The following NCKAP5 variants were observed in gnomAD, a reference collection of about 807,000 sequenced individuals.
NCKAP5 encodes NCK associated protein 5.
NCKAP5 carries 92 observed loss-of-function variants against 167.0 expected under a neutral mutation model. The observed-to-expected ratio is 0.55, with a 90% CI of 0.47 to 0.66. The LOEUF (loss-of-function observed/expected upper bound fraction) is 0.66, where lower values mean the gene tolerates loss of function less well. Ranked by LOEUF, NCKAP5 falls within the 30% of genes least tolerant of loss-of-function variation. The pLI is 0.00. For synonymous variants in NCKAP5, 891 were observed against 877.4 expected, an observed-to-expected ratio of 1.02 and a Z score of -0.27; for missense variants, 2,378 against 2,315.0, an observed-to-expected ratio of 1.03 and a Z score of -0.56.
At chr2:133,441,251 G>A (rs1291783567) in intron 3 of NCKAP5, among the ~76,000 whole-genome samples, 3 of 152,198 alleles carry the variant, frequency 2.0e-5, no homozygotes, top group East Asian at 3.8e-4. Context: ...GCTGGACTAG[G>A]AAGATGGAGT....
intron 19 of NCKAP5, among the ~76,000 whole-genome samples, chr2:132,702,672 T>C (rs2105255751): frequency 6.6e-6 from 1 of 152,214 alleles, no homozygotes; most frequent in East Asian, 1.9e-4. Context: ...TACTTTCTGT[T>C]TTTCTTCATC....
At chr2:132,948,805 C>G (rs542192972) in intron 8 of NCKAP5, among the ~76,000 whole-genome samples, 1 of 152,130 alleles carries the variant, frequency 6.6e-6, no homozygotes, top group Non-Finnish European at 1.5e-5. Flanking sequence ...CACACCTCCA[C>G]TTTGGCAGGT....
At chr2:133,245,035 G>T (rs551426923) in intron 4 of NCKAP5, among the ~76,000 whole-genome samples, 1 of 152,290 alleles carries the variant, frequency 6.6e-6, no homozygotes, top group South Asian at 2.1e-4. Context: ...CCAAGTGTCT[G>T]TAGGCAAATA....
chr2:133,220,009 T>C (rs1443224883), intron 4 of NCKAP5, among the ~76,000 whole-genome samples: 2 of 152,240 alleles, frequency 1.3e-5, no homozygotes, highest in East Asian at 3.8e-4. Flanking sequence ...CAATTGGGAC[T>C]AGTATCTTTT....
the NCKAP5 span, among the ~76,000 whole-genome samples, chr2:133,584,993 G>GGAAGGAAA: frequency 8.9e-4 from 129 of 144,416 alleles, 2 homozygotes; most frequent in East Asian, 7.7e-3. Context: ...AAGGAAGGAA[G>GGAAGGAAA]GAGGGAAAGA....
chr2:132,864,687 A>C (rs1306394691), intron 10 of NCKAP5, among the ~76,000 whole-genome samples: 1 of 152,196 alleles, frequency 6.6e-6, no homozygotes, highest in East Asian at 1.9e-4. Flanking sequence ...CATTTTTTAA[A>C]ATGCTGATTG....
the NCKAP5 span, among the ~76,000 whole-genome samples, chr2:133,613,613 C>T: frequency 1.3e-5 from 2 of 152,294 alleles, no homozygotes; most frequent in East Asian, 3.9e-4. Flanking sequence ...TGACATCAAC[C>T]ATAGCTCTCC....
rs565864665 is a variant in NCKAP5, at chr2:133,391,133, A to G, written c.70-88023T>C. The G allele has an allele frequency of 3.9e-5, 6 of 152,140 alleles. No homozygotes were observed. The East Asian group carries it at 1.2e-3, about 30-fold the overall frequency. The allele number at this position is 152,140 out of a possible 1,614,324, so 9.4% of individuals were successfully genotyped here. A position where few individuals can be genotyped will look rare whatever the true frequency, so the allele number is the denominator to read the frequency against. On this transcript the variant is annotated intron_variant, in intron 3 of 19. Coordinates refer to ENST00000409261, the MANE Select transcript of NCKAP5 (RefSeq NM_207363.3). ...CACGTCATTGTGCCAACTACCATCT[A>G]CTTTCTGAGGAACCCTGAGGCTCAA...
At chr2:132,832,155 A>T (rs935472608) in intron 11 of NCKAP5, among the ~76,000 whole-genome samples, 1 of 152,156 alleles carries the variant, frequency 6.6e-6, no homozygotes, top group African/African-American at 2.4e-5. Context: ...TCTGTAAAAT[A>T]GCATGATGGG....
At chr2:132,725,601 G>C (rs1313006748) in intron 19 of NCKAP5, 26 bp downstream of exon 19, 1 of 1,598,160 alleles carries the variant, frequency 6.3e-7, no homozygotes, top group East Asian at 2.3e-5. Context: ...GGAACCTGCA[G>C]GGCCAGCAAG....
intron 16 of NCKAP5, among the ~76,000 whole-genome samples, chr2:132,749,931 T>C (rs1679970278): frequency 6.6e-6 from 1 of 152,186 alleles, no homozygotes; most frequent in Admixed American, 6.5e-5. Context: ...TATGATGCCA[T>C]GAGCCTCACC....
chr2:133,189,107 T>C (rs909006029), intron 5 of NCKAP5, among the ~76,000 whole-genome samples: 28 of 151,954 alleles, frequency 1.8e-4, no homozygotes, highest in Middle Eastern at 3.4e-3. Flanking sequence ...GGGGATATCA[T>C]CACCGATCCC....
chr2:132,988,910 C>A (rs2149292295), intron 7 of NCKAP5, among the ~76,000 whole-genome samples: 1 of 152,146 alleles, frequency 6.6e-6, no homozygotes, highest in East Asian at 1.9e-4. Context: ...AAACAAAGAA[C>A]CCAGAGACTT....
chr2:133,001,091 T>C (rs1338325173), intron 6 of NCKAP5, among the ~76,000 whole-genome samples: 1 of 152,178 alleles, frequency 6.6e-6, no homozygotes, highest in Non-Finnish European at 1.5e-5. Flanking sequence ...ATTCAGCCAA[T>C]GTTACATTTA....
chr2:132,768,155 G>C (rs916562399), intron 16 of NCKAP5, among the ~76,000 whole-genome samples: 6 of 152,198 alleles, frequency 3.9e-5, no homozygotes, highest in Non-Finnish European at 8.8e-5. Context: ...TAAATAACAT[G>C]TATCTTTCAC....
chr2:133,396,922 T>C (rs765743061), intron 3 of NCKAP5, among the ~76,000 whole-genome samples: 2 of 152,162 alleles, frequency 1.3e-5, no homozygotes, highest in African/African-American at 2.4e-5. Context: ...TGCCATTTAC[T>C]CTGAGCTTCC....
intron 8 of NCKAP5, among the ~76,000 whole-genome samples, chr2:132,936,631 T>C (rs1214360143): frequency 6.6e-6 from 1 of 152,172 alleles, no homozygotes; most frequent in Non-Finnish European, 1.5e-5. Context: ...TCTTTAGACT[T>C]GGAGAAAAAT....
intron 3 of NCKAP5, among the ~76,000 whole-genome samples, chr2:133,312,224 T>C (rs922819940): frequency 1.3e-5 from 2 of 152,194 alleles, no homozygotes; most frequent in African/African-American, 4.8e-5. Context: ...AGATAGCACA[T>C]GAGACCATTG....
At chr2:133,038,218 A>G (rs1252684398) in intron 6 of NCKAP5, among the ~76,000 whole-genome samples, 1 of 152,168 alleles carries the variant, frequency 6.6e-6, no homozygotes, top group Non-Finnish European at 1.5e-5. Flanking sequence ...GAAGGAACTG[A>G]AGTGTTCATC....
Sources: gnomAD v4.1 joint callset for allele counts (sites outside exome capture counted in the v4.1 genomes callset) on GRCh38, gnomAD v4.1.1 for gene constraint, MANE v1.5 for transcripts, NCBI Gene and HGNC (gene_info 2026-07-23, HGNC 2026-07-21) for gene names.